The following EPHA5 variants were observed in gnomAD, a reference collection of about 807,000 sequenced individuals.
EPHA5 encodes EPH receptor A5.
EPHA5 carries 60 observed loss-of-function variants against 105.0 expected under a neutral mutation model. The ratio of observed to expected loss-of-function variants is 0.57; its 90% CI spans 0.46 to 0.71. The LOEUF (loss-of-function observed/expected upper bound fraction) is 0.71. Among genes scored for constraint, EPHA5 ranks in the 30% least tolerant of loss-of-function variants. The pLI is 0.00. For missense variants in EPHA5, 1,218 were observed against 1,274.7 expected (o/e 0.96, Z 0.68); for synonymous variants, 513 against 449.1 (o/e 1.14, Z -1.80).
At chr4:65,348,580 A>G (rs1217013896) in intron 13 of EPHA5, among the ~76,000 whole-genome samples, 3 of 148,824 alleles carry the variant, frequency 2.0e-5, no homozygotes, top group Non-Finnish European at 4.4e-5. Flanking sequence ...TTAATACAGA[A>G]ATTGTAAGTG....
At chr4:65,617,141 A>G (rs1745311988) in intron 2 of EPHA5, among the ~76,000 whole-genome samples, 1 of 152,110 alleles carries the variant, frequency 6.6e-6, no homozygotes, top group African/African-American at 2.4e-5. Flanking sequence ...GACAGCTGCT[A>G]AGAGACCACA....
chr4:65,442,290 T>G (rs79292508), intron 5 of EPHA5, among the ~76,000 whole-genome samples: 386 of 152,140 alleles, frequency 2.5e-3, no homozygotes, highest in African/African-American at 8.9e-3. Context: ...CTTAAAGAGA[T>G]CTTTCTTTCT....
chr4:65,428,278 A>G (rs564457950), intron 5 of EPHA5, among the ~76,000 whole-genome samples: 122 of 152,240 alleles, frequency 8.0e-4, no homozygotes, highest in African/African-American at 2.6e-3. Flanking sequence ...GTGCAATATT[A>G]TACCCTTTAT....
chr4:65,331,577 GT>G, intron 16 of EPHA5: 1 of 1,059,886 alleles, frequency 9.4e-7, no homozygotes. Flanking sequence ...GTACAAATAT[GT>G]TTGGTCCTTA....
At chr4:65,596,064 C>T (rs183863863) in intron 3 of EPHA5, among the ~76,000 whole-genome samples, 22 of 152,316 alleles carry the variant, frequency 1.4e-4, no homozygotes, top group African/African-American at 4.6e-4. Flanking sequence ...TATTTCCCAC[C>T]ATATTCAAAT....
chr4:65,444,404 T>TTTATAAAATCTCAGGAGAAA (rs1320620073), intron 5 of EPHA5, among the ~76,000 whole-genome samples: 6 of 152,196 alleles, frequency 3.9e-5, no homozygotes, highest in African/African-American at 1.4e-4. Context: ...TCATTTAATC[T>TTTATAAAATCTCAGGAGAAA]TTATAAAATC....
chr4:65,512,067 G>T (rs559478424), intron 3 of EPHA5, among the ~76,000 whole-genome samples: 1 of 152,128 alleles, frequency 6.6e-6, no homozygotes, highest in Non-Finnish European at 1.5e-5. Flanking sequence ...GCTATAAGAG[G>T]TTTTTAAGAG....
At chr4:65,423,940 TA>T (rs1724177452) in intron 5 of EPHA5, among the ~76,000 whole-genome samples, 1 of 152,000 alleles carries the variant, frequency 6.6e-6, no homozygotes, top group Admixed American at 6.6e-5. Context: ...CATATTCCTA[TA>T]CATAACTACC....
chr4:65,365,248 T>A, intron 10 of EPHA5, 46 bp from the exon 11 acceptor site: 1 of 1,554,194 alleles, frequency 6.4e-7, no homozygotes, highest in Non-Finnish European at 8.8e-7. Context: ...TTGAAATTGT[T>A]AGTCTATTAA....
intron 8 of EPHA5, among the ~76,000 whole-genome samples, chr4:65,401,893 A>ATGTG (rs557964507): frequency 1.0e-4 from 13 of 125,974 alleles, no homozygotes; most frequent in African/African-American, 5.7e-4. Context: ...GAATTTGTGT[A>ATGTG]TGTGTGTGTG....
rs548228817 is a variant in EPHA5 at position 65,399,092 on chromosome 4, C to T, written c.1793+5282G>A. 8.5e-5 allele frequency among the ~76,000 whole-genome samples: 13 copies of T among 152,262 alleles called. No homozygotes were observed. In the East Asian group the frequency reaches 1.2e-3, roughly 14 times the overall value. ...GGGGAGCCCAGACCTATGGGTGCTCCGAGTCAGGAATGTGACACCCTCTTT... is the reference window on the plus strand; with the variant it reads ...GGGGAGCCCAGACCTATGGGTGCTCTGAGTCAGGAATGTGACACCCTCTTT... On this transcript the variant is annotated intron_variant, in intron 8 of 16. Coordinates refer to ENST00000613740, the MANE Select transcript of EPHA5 (RefSeq NM_001281766.3).
intron 8 of EPHA5, among the ~76,000 whole-genome samples, chr4:65,389,152 C>T (rs1225144789): frequency 6.6e-6 from 1 of 151,826 alleles, no homozygotes; most frequent in Admixed American, 6.6e-5. Flanking sequence ...TATATTTTTC[C>T]TTGCAGCAAA....
At chr4:65,402,561 A>G (rs1721951708) in intron 8 of EPHA5, among the ~76,000 whole-genome samples, 2 of 152,162 alleles carry the variant, frequency 1.3e-5, no homozygotes, top group South Asian at 4.1e-4. Flanking sequence ...ACACAGATTT[A>G]TTGGATTCTA....
At chr4:65,545,280 G>A (rs758023223) in intron 3 of EPHA5, among the ~76,000 whole-genome samples, 12 of 151,648 alleles carry the variant, frequency 7.9e-5, no homozygotes, top group Non-Finnish European at 1.3e-4. Context: ...TGCTTATATA[G>A]TCTGGACAGA....
intron 1 of EPHA5, among the ~76,000 whole-genome samples, chr4:65,653,306 T>G (rs1401880633): frequency 1.3e-5 from 2 of 152,122 alleles, no homozygotes; most frequent in Non-Finnish European, 2.9e-5. Flanking sequence ...CTGACATTCA[T>G]GTCAGCCTTG....
At chr4:65,420,630 T>G (rs1377755123) in intron 5 of EPHA5, 65 bp from the exon 6 acceptor site, 2 of 1,462,820 alleles carry the variant, frequency 1.4e-6, no homozygotes, top group African/African-American at 2.9e-5. Flanking sequence ...CCTGTTATGT[T>G]TATTACGTAT....
At position 65,669,722 on chromosome 4, in the gene EPHA5, C is replaced by A. The variant is rs183979919; in HGVS notation, c.21G>T (p.Arg7=). 2 of 1,271,906 alleles carry A rather than the reference C, an allele frequency of 1.6e-6. No individual in the cohort carries two copies. Among genetic ancestry groups the A allele is most frequent in the African/African-American group, 1.5e-5 (1 of 64,956 alleles). 78.8% of individuals were successfully genotyped at this position (1,271,906 alleles called of 1,614,324 possible). ...TTGGGGGCCGCCGGCGTCCCGCACC[C>A]CGGGGCCCCGAGCCCCGCATCTTCT... MRGSGP[R]GAGRRRPPSG... is the part of the protein sequence containing the mutation. The change falls in exon 1 of 17, where the codon CGG becomes CGT. Residue 7 remains arginine, a synonymous_variant. Coordinates refer to ENST00000613740, the MANE Select transcript of EPHA5 (RefSeq NM_001281766.3).
At chr4:65,508,003 C>T (rs1223278457) in intron 3 of EPHA5, among the ~76,000 whole-genome samples, 1 of 151,986 alleles carries the variant, frequency 6.6e-6, no homozygotes, top group East Asian at 1.9e-4. Context: ...GACCCTTAGG[C>T]TCTTTTACTT....
At chr4:65,505,053 T>C (rs1732869980) in intron 3 of EPHA5, among the ~76,000 whole-genome samples, 1 of 152,058 alleles carries the variant, frequency 6.6e-6, no homozygotes. Flanking sequence ...AGCTTGTCTA[T>C]GTGCAAAACA....
Sources: allele counts gnomAD v4.1 joint callset (sites outside exome capture counted in the v4.1 genomes callset), GRCh38; gene constraint gnomAD v4.1.1; transcripts MANE v1.5; gene names NCBI Gene and HGNC (gene_info 2026-07-23, HGNC 2026-07-21).